DAB2IP: variants seen among roughly 807,000 people sequenced by gnomAD.
DAB2IP encodes the protein DAB2 interacting protein.
DAB2IP carries 28 observed loss-of-function variants against 107.2 expected under a neutral mutation model. The ratio of observed to expected loss-of-function variants is 0.26; its 90% CI spans 0.19 to 0.36. The LOEUF is 0.36. DAB2IP is among the 10% of genes least tolerant of loss of function. DAB2IP has a pLI of 1.00. For synonymous variants in DAB2IP, 755 were observed against 706.4 expected, an observed-to-expected ratio of 1.07 and a Z score of -1.09; for missense variants, 1,400 against 1,644.7, an observed-to-expected ratio of 0.85 and a Z score of 2.57.
At chr9:121,783,179 C>T in exon 16 of DAB2IP, 1 of 1,110,704 alleles carries the variant, frequency 9.0e-7, no homozygotes, top group Non-Finnish European at 1.1e-6. Flanking sequence ...ACCTTCTTCC[C>T]TGCCTTAGTT....
chr9:121,576,908 C>T (rs770308318), intron 1 of DAB2IP, among the ~76,000 whole-genome samples: 2 of 152,102 alleles, frequency 1.3e-5, no homozygotes, highest in Admixed American at 1.3e-4. Context: ...GCCTTCCCAG[C>T]GTGTGTCAGA....
At chr9:121,621,389 G>A (rs1831457993) in intron 1 of DAB2IP, among the ~76,000 whole-genome samples, 1 of 152,104 alleles carries the variant, frequency 6.6e-6, no homozygotes, top group Non-Finnish European at 1.5e-5. Context: ...GATCCTCCTT[G>A]CCAACAGTTC....
intron 1 of DAB2IP, among the ~76,000 whole-genome samples, chr9:121,666,847 C>T (rs1264024536): frequency 6.7e-6 from 1 of 149,716 alleles, no homozygotes; most frequent in Admixed American, 6.7e-5. Flanking sequence ...TATTTGGCTT[C>T]ATCCCCTATC....
rs992062052 is a variant in DAB2IP, at chr9:121,752,338, C to G, written c.363-4675C>G. Reference sequence around the variant, plus strand: ...TCCCTATCCCCACTGACCTCCCGTTCCCTCTGAGCTTAGCTGACCTTGGCT... The same window carrying G: ...TCCCTATCCCCACTGACCTCCCGTTGCCTCTGAGCTTAGCTGACCTTGGCT... On this transcript the variant is annotated intron_variant, in intron 3 of 15. Transcript: ENST00000408936. Among the ~76,000 whole-genome samples the G allele has an allele frequency of 2.0e-4, 30 of 149,148 alleles. 1 individual carries two copies. The highest frequency in any genetic ancestry group is 3.3e-4 in the Admixed American group (5 of 15,136).
intron 1 of DAB2IP, among the ~76,000 whole-genome samples, chr9:121,609,849 A>G (rs1831027767): frequency 6.6e-6 from 1 of 152,222 alleles, no homozygotes. Context: ...TCCAAGAGCC[A>G]AGAATTCCCA....
chr9:121,618,039 A>G (rs1003970526), intron 1 of DAB2IP, among the ~76,000 whole-genome samples: 1 of 152,180 alleles, frequency 6.6e-6, no homozygotes, highest in Admixed American at 6.5e-5. Flanking sequence ...CAGTGCTTGC[A>G]TGAGGTCAGC....
chr9:121,671,164 CA>C (rs936975958), intron 1 of DAB2IP, among the ~76,000 whole-genome samples: 1 of 151,912 alleles, frequency 6.6e-6, no homozygotes, highest in African/African-American at 2.4e-5. Flanking sequence ...AAACAAAAAA[CA>C]AAACAAAACA....
At chr9:121,659,618 C>T (rs1554720803) in intron 1 of DAB2IP, among the ~76,000 whole-genome samples, 1 of 151,926 alleles carries the variant, frequency 6.6e-6, no homozygotes. Flanking sequence ...ACGGTGAAAC[C>T]CCGTCTCTAC....
chr9:121,766,504 C>G, exon 9 of DAB2IP: 1 of 1,606,824 alleles, frequency 6.2e-7, no homozygotes, highest in Middle Eastern at 1.7e-4. Flanking sequence ...TGTCTTCCCA[C>G]GGGAGTTGAA....
At chr9:121,775,677 T>C (rs1417019965) in intron 13 of DAB2IP, among the ~76,000 whole-genome samples, 2 of 152,142 alleles carry the variant, frequency 1.3e-5, no homozygotes, top group Non-Finnish European at 2.9e-5. Flanking sequence ...TTCAGTTCTC[T>C]CTCTCTCCAT....
chr9:121,663,717 A>ACCC (rs1833300320), intron 1 of DAB2IP, among the ~76,000 whole-genome samples: 1 of 152,204 alleles, frequency 6.6e-6, no homozygotes, highest in African/African-American at 2.4e-5. Flanking sequence ...AAAACGTGAA[A>ACCC]TCAACATCCC....
intron 3 of DAB2IP, among the ~76,000 whole-genome samples, chr9:121,734,249 C>T (rs1261219558): frequency 6.7e-6 from 1 of 149,266 alleles, no homozygotes; most frequent in Non-Finnish European, 1.5e-5. Context: ...CGGTGGCGGG[C>T]GCCTGTAGTC....
At chr9:121,641,892 CCTTT>C (rs71370681) in intron 1 of DAB2IP, among the ~76,000 whole-genome samples, 11,077 of 88,846 alleles carry the variant, frequency 0.12, 637 homozygotes, top group African/African-American at 0.18. Flanking sequence ...CATTTCTTTC[CCTTT>C]CTTTCTTTCT....
At chr9:121,780,651 C>T (rs546356021) in intron 14 of DAB2IP, among the ~76,000 whole-genome samples, 1 of 152,244 alleles carries the variant, frequency 6.6e-6, no homozygotes, top group East Asian at 1.9e-4. Flanking sequence ...GACAGGCAGA[C>T]CCAGAGAGTG....
intron 1 of DAB2IP, among the ~76,000 whole-genome samples, chr9:121,582,705 G>C (rs2118909308): frequency 6.6e-6 from 1 of 152,274 alleles, no homozygotes; most frequent in East Asian, 1.9e-4. Context: ...CAAACGCTTG[G>C]GCTGGCTAAG....
chr9:121,642,010 TCTCTCTCTCTCTCTCTCTC>T (rs1564128690), intron 1 of DAB2IP, among the ~76,000 whole-genome samples: 5 of 23,266 alleles, frequency 2.1e-4, no homozygotes, highest in African/African-American at 1.2e-3. Flanking sequence ...TCTCTCTCTC[TCTCTCTCTCTCTCTCTCTC>T]TCTTTCTTTC....
chr9:121,737,152 C>T (rs1261551183), intron 3 of DAB2IP: 1 of 983,810 alleles, frequency 1.0e-6, no homozygotes, highest in Non-Finnish European at 1.2e-6. Context: ...AGGGACGGCT[C>T]CTCCCTCTTT....
chr9:121,621,369 A>C (rs1318768037), intron 1 of DAB2IP, among the ~76,000 whole-genome samples: 2 of 152,036 alleles, frequency 1.3e-5, no homozygotes, highest in Non-Finnish European at 2.9e-5. Flanking sequence ...CTTCTTCCAA[A>C]TTCCAGTAGG....
intron 3 of DAB2IP, chr9:121,751,307 A>C (rs1377422144): frequency 6.4e-6 from 1 of 156,456 alleles, no homozygotes; most frequent in African/African-American, 2.4e-5. Context: ...GCCACTTGCT[A>C]TGCATGTGAT....
Sources: allele counts gnomAD v4.1 joint callset (sites outside exome capture counted in the v4.1 genomes callset), GRCh38; gene constraint gnomAD v4.1.1; transcripts MANE v1.5; gene names NCBI Gene and HGNC (gene_info 2026-07-23, HGNC 2026-07-21).